Variants in PRKAR1A observed in about 807,000 individuals in gnomAD.
PRKAR1A encodes the protein protein kinase cAMP-dependent type I regulatory subunit alpha.
In PRKAR1A, 3 loss-of-function variants were observed where a neutral mutation model predicts 52.0. The ratio of observed to expected loss-of-function variants is 0.06; its 90% CI spans 0.03 to 0.15. The LOEUF (loss-of-function observed/expected upper bound fraction) is 0.15, where lower values mean the gene tolerates loss of function less well. Among genes scored for constraint, PRKAR1A ranks in the 10% least tolerant of loss-of-function variants. The pLI is 1.00. For synonymous variants in PRKAR1A, 188 were observed against 168.4 expected (o/e 1.12, Z -0.90); for missense variants, 240 against 477.4 (o/e 0.50, Z 4.63).
At chr17:68,481,637 G>A in the PRKAR1A span, among the ~76,000 whole-genome samples, 3 of 152,192 alleles carry the variant, frequency 2.0e-5, no homozygotes, top group South Asian at 6.2e-4. Flanking sequence ...TATATTAATT[G>A]ATCTAGAATT....
chr17:68,511,655 G>C (rs919031120), upstream of PRKAR1A: 1 of 5,446 alleles, frequency 1.8e-4, no homozygotes, highest in African/African-American at 1.0e-3. Context: ...ACAGACGACA[G>C]CACCCCCGGC....
chr17:68,433,773 T>G, the PRKAR1A span, among the ~76,000 whole-genome samples: 24 of 23,486 alleles, frequency 1.0e-3, no homozygotes, highest in East Asian at 8.8e-3. Flanking sequence ...TTTTTTTTTT[T>G]TTTTTTTTTT....
the PRKAR1A span, among the ~76,000 whole-genome samples, chr17:68,498,463 C>T: frequency 6.6e-6 from 1 of 152,092 alleles, no homozygotes; most frequent in Non-Finnish European, 1.5e-5. Context: ...GTATAAATGA[C>T]AGAATAGGTT....
At chr17:68,428,798 A>G in the PRKAR1A span, 1 of 1,555,496 alleles carries the variant, frequency 6.4e-7, no homozygotes, top group Non-Finnish European at 8.9e-7. Context: ...CAGCTCTCGA[A>G]AGGCTGTCTT....
the PRKAR1A span, chr17:68,420,678 T>A: frequency 1.7e-6 from 1 of 599,116 alleles, no homozygotes; most frequent in Non-Finnish European, 2.9e-6. Context: ...GAGTGTGCCT[T>A]AATGGGAAGC....
intron 1 of PRKAR1A, chr17:68,515,040 C>T (rs907672583): frequency 6.3e-6 from 2 of 319,670 alleles, no homozygotes; most frequent in South Asian, 2.9e-5. Context: ...ACCTACTTCC[C>T]ACGTCATCAT....
the PRKAR1A span, among the ~76,000 whole-genome samples, chr17:68,502,576 C>A: frequency 6.6e-6 from 1 of 151,652 alleles, no homozygotes; most frequent in East Asian, 1.9e-4. Flanking sequence ...CATGGTGAAA[C>A]CCCCGTCTCT....
chr17:68,532,661 C>T lies in PRKAR1A; in HGVS notation c.*2212C>T, dbSNP rs545517617. 5.9e-5 allele frequency: 63 copies of T among 1,066,280 alleles called. 1 individual carries two copies. The South Asian group carries it at 2.5e-3, about 42-fold the overall frequency. The allele number at this position is 1,066,280 out of a possible 1,614,324, so 66.1% of individuals were successfully genotyped here. A position where few individuals can be genotyped will look rare whatever the true frequency, so the allele number is the denominator to read the frequency against. The stretch of plus-strand genomic sequence containing the variant: ...CCAAAGGACCGTTTTGTATTGCTTC[C>T]TGATTACCAGTCTGATTATACCATG... On this transcript the variant is annotated 3_prime_UTR_variant, in exon 11 of 11. Coordinates refer to ENST00000589228, the MANE Select transcript of PRKAR1A (RefSeq NM_002734.5).
Position 68,523,946 on chromosome 17 carries a change from C to T in PRKAR1A, c.441-70C>T, listed in dbSNP as rs567874024. 5 of 1,596,218 alleles carry T rather than the reference C, an allele frequency of 3.1e-6. No individual in the cohort carries two copies. In the Admixed American group the frequency reaches 5.0e-5, roughly 16 times the overall value. ...AGATGACAGTCTGGGGTCTTTAATT[C>T]TAAGCTTAATGTTTGAAATTCACGG... is the stretch of plus-strand genomic sequence containing the variant. On this transcript the variant is annotated intron_variant, in intron 4 of 10. Transcript: ENST00000589228.
the PRKAR1A span, chr17:68,440,677 T>G: frequency 6.6e-6 from 1 of 152,206 alleles, no homozygotes; most frequent in Non-Finnish European, 1.5e-5. Context: ...CCACTGTAAT[T>G]GTTTGGCTGT....
At chr17:68,486,372 TTCTTTCTTTCTTTC>T in the PRKAR1A span, among the ~76,000 whole-genome samples, 2 of 106,272 alleles carry the variant, frequency 1.9e-5, no homozygotes, top group Non-Finnish European at 3.9e-5. Flanking sequence ...CTTCCTCTTA[TTCTTTCTTTCTTTC>T]TCTTTCTTTC....
chr17:68,548,723 A>ATTT lies in PRKAR1A; in HGVS notation c.974-2360_974-2359insTTT, dbSNP rs200833117. Among the ~76,000 whole-genome samples the ATTT allele has an allele frequency of 8.6e-3, 1,013 of 117,742 alleles. 41 individuals carry two copies. Among genetic ancestry groups the ATTT allele is most frequent in the Non-Finnish European group, 0.012 (681 of 59,156 alleles). 77.2% of individuals were successfully genotyped at this position (117,742 alleles called of 152,430 possible). ...CGCAGATACAGCGAGCTATGCCTGT[A>ATTT]TATTTTTTTTTTTTTTTTTTTTTTT... On this transcript the variant is annotated intron_variant, in intron 11 of 11. Coordinates refer to the PRKAR1A transcript ENST00000585981.
At chr17:68,459,661 G>A in the PRKAR1A span, among the ~76,000 whole-genome samples, 1 of 152,170 alleles carries the variant, frequency 6.6e-6, no homozygotes, top group Non-Finnish European at 1.5e-5. Flanking sequence ...TTGCTGTCCA[G>A]TAGATAAAAT....
chr17:68,430,185 A>G, the PRKAR1A span: 5 of 1,600,504 alleles, frequency 3.1e-6, no homozygotes, highest in Admixed American at 5.2e-5. Flanking sequence ...ACAGGCAACG[A>G]TGGGACTGGG....
At chr17:68,496,720 CATG>C in the PRKAR1A span, among the ~76,000 whole-genome samples, 13 of 150,304 alleles carry the variant, frequency 8.6e-5, no homozygotes, top group East Asian at 2.6e-3. Flanking sequence ...ATGAGGAAGA[CATG>C]ATATTTGTTC....
At chr17:68,550,181 A>G (rs545281246) in intron 11 of PRKAR1A, among the ~76,000 whole-genome samples, 41 of 152,274 alleles carry the variant, frequency 2.7e-4, no homozygotes, top group African/African-American at 9.4e-4. Flanking sequence ...CAAATTTTTG[A>G]CAAGTAAAAT....
the PRKAR1A span, among the ~76,000 whole-genome samples, chr17:68,491,338 C>T: frequency 1.3e-5 from 2 of 152,100 alleles, no homozygotes; most frequent in African/African-American, 2.4e-5. Context: ...GTGATCTGCC[C>T]GCTTCAACCT....
chr17:68,455,811 T>C, the PRKAR1A span, among the ~76,000 whole-genome samples: 1 of 152,244 alleles, frequency 6.6e-6, no homozygotes, highest in African/African-American at 2.4e-5. Flanking sequence ...TTGTCAAATC[T>C]AATGATGTTA....
chr17:68,438,785 G>C, the PRKAR1A span, among the ~76,000 whole-genome samples: 16,519 of 152,154 alleles, frequency 0.11, 986 homozygotes, highest in South Asian at 0.23. Flanking sequence ...ATTTTCAGTA[G>C]AGACAGGGTT....
Sources: gnomAD v4.1 joint callset for allele counts (sites outside exome capture counted in the v4.1 genomes callset) on GRCh38, gnomAD v4.1.1 for gene constraint, MANE v1.5 for transcripts, NCBI Gene and HGNC (gene_info 2026-07-23, HGNC 2026-07-21) for gene names.